Variants in TTC23L observed in about 807,000 individuals in gnomAD.
TTC23L encodes the protein tetratricopeptide repeat domain 23 like.
In TTC23L, 42 loss-of-function variants were observed where a neutral mutation model predicts 48.1. That is an observed-to-expected ratio of 0.87 (90% CI 0.68 to 1.13). The LOEUF (loss-of-function observed/expected upper bound fraction) is 1.13, where lower values mean the gene tolerates loss of function less well. Ranked by LOEUF, TTC23L falls within the 50% of genes most tolerant of loss-of-function variation. The probability of loss-of-function intolerance (pLI) is 0.00; values close to 1 mark genes in which losing one functional copy is unlikely to be tolerated. For missense variants in TTC23L, 391 were observed against 421.0 expected (o/e 0.93, Z 0.62); for synonymous variants, 159 against 157.2 (o/e 1.01, Z -0.09).
At chr5:34,852,553 T>C (rs113369998) in intron 4 of TTC23L, among the ~76,000 whole-genome samples, 4 of 152,228 alleles carry the variant, frequency 2.6e-5, no homozygotes, top group African/African-American at 9.6e-5. Flanking sequence ...CCTGCCCAGA[T>C]GAGAGTCGAT....
chr5:34,849,755 A>T (rs1159128697), intron 3 of TTC23L, among the ~76,000 whole-genome samples: 2 of 152,160 alleles, frequency 1.3e-5, no homozygotes. Context: ...AGGGGTCTAG[A>T]TATGAAACAA....
chr5:34,847,477 G>A (rs984972416), intron 3 of TTC23L, among the ~76,000 whole-genome samples: 3 of 85,308 alleles, frequency 3.5e-5, no homozygotes, highest in Admixed American at 1.4e-4. Context: ...GCTCAATAAC[G>A]CTGTTTTTTT....
At chr5:34,842,387 T>C (rs1758760595) in intron 2 of TTC23L, among the ~76,000 whole-genome samples, 1 of 151,960 alleles carries the variant, frequency 6.6e-6, no homozygotes, top group Non-Finnish European at 1.5e-5. Context: ...AGCACCAGAT[T>C]CTGTTGCTGT....
At chr5:34,915,851 A>C in the TTC23L span, 38 of 1,565,652 alleles carry the variant, frequency 2.4e-5, no homozygotes, top group Non-Finnish European at 3.3e-5. Context: ...ACAGCAGAGG[A>C]GGTGGAGGAA....
the TTC23L span, chr5:34,914,483 G>C: frequency 1.7e-6 from 1 of 575,908 alleles, no homozygotes; most frequent in Non-Finnish European, 3.0e-6. Flanking sequence ...AACAAGATGG[G>C]AAAAGAATTT....
In TTC23L at chr5:34,867,003, C is replaced by G. The variant is rs370183850; in HGVS notation, c.774C>G (p.Tyr258Ter). 3.1e-6 allele frequency: 5 copies of G among 1,611,824 alleles called. No individual in the cohort carries two copies. Among genetic ancestry groups the G allele is most frequent in the African/African-American group, 2.7e-5 (2 of 74,916 alleles). The change falls in exon 7 of 11, where the codon TAC becomes TAG. Residue 258 changes from tyrosine to a stop codon, truncating the protein, a stop_gained. Transcript: ENST00000505624. LOFTEE classifies it high-confidence loss of function. ...GGACGTCAGATCTGATCAGCCTGTA[C>G]GAGGAAGCTGCTCAGATAGAGCAGC... is the stretch of plus-strand genomic sequence containing the variant.
intron 8 of TTC23L, among the ~76,000 whole-genome samples, chr5:34,879,726 G>A (rs1188053471): frequency 1.3e-5 from 2 of 151,912 alleles, no homozygotes; most frequent in East Asian, 1.9e-4. Context: ...GGCTCGGTGC[G>A]GTGGCTCATG....
rs869123650 is a variant in TTC23L at position 34,846,667 on chromosome 5, A to ATGTGTGTGTG, written c.255+1026_255+1035dup. ...TATATACAAATACATATATGTGTGT[A>ATGTGTGTGTG]TGTGTGTGTGTGTGTGTGTGTGTGT... On this transcript the variant is annotated intron_variant, in intron 3 of 10. Coordinates refer to ENST00000505624, the Ensembl canonical transcript of TTC23L. 1.7e-4 allele frequency among the ~76,000 whole-genome samples: 11 copies of ATGTGTGTGTG among 66,342 alleles called. No homozygotes were observed. The East Asian group carries it at 3.9e-3, about 24-fold the overall frequency. 43.5% of individuals were successfully genotyped at this position (66,342 alleles called of 152,430 possible).
chr5:34,917,729 G>A, the TTC23L span, among the ~76,000 whole-genome samples: 1 of 152,148 alleles, frequency 6.6e-6, no homozygotes, highest in Non-Finnish European at 1.5e-5. Context: ...TAGCCATTTA[G>A]GAGTTTTGCA....
At chr5:34,847,221 C>CA (rs1189429397) in intron 3 of TTC23L, among the ~76,000 whole-genome samples, 1 of 152,154 alleles carries the variant, frequency 6.6e-6, no homozygotes, top group Non-Finnish European at 1.5e-5. Flanking sequence ...AAGGACCTTG[C>CA]AAAGGACAGT....
downstream of TTC23L, among the ~76,000 whole-genome samples, chr5:34,900,467 C>T (rs1258712579): frequency 6.6e-6 from 1 of 150,778 alleles, no homozygotes; most frequent in Non-Finnish European, 1.5e-5. Flanking sequence ...TGCCACTGCA[C>T]TCCAGCCTGG....
At chr5:34,843,287 A>G (rs973094470) in intron 2 of TTC23L, among the ~76,000 whole-genome samples, 5 of 152,260 alleles carry the variant, frequency 3.3e-5, no homozygotes, top group African/African-American at 7.2e-5. Flanking sequence ...GGAATCAATT[A>G]TAAACCTGGC....
At chr5:34,891,449 G>C (rs1193497959) in intron 9 of TTC23L, among the ~76,000 whole-genome samples, 1 of 152,162 alleles carries the variant, frequency 6.6e-6, no homozygotes, top group Non-Finnish European at 1.5e-5. Context: ...GGCAGAGTAT[G>C]CGCTCAATAA....
chr5:34,849,029 T>C (rs1759453182), intron 3 of TTC23L, among the ~76,000 whole-genome samples: 1 of 152,184 alleles, frequency 6.6e-6, no homozygotes, highest in Non-Finnish European at 1.5e-5. Context: ...TAGTGAACAA[T>C]TCATTTTTCT....
chr5:34,901,380 T>C (rs467801), downstream of TTC23L, among the ~76,000 whole-genome samples: 631 of 152,338 alleles, frequency 4.1e-3, 18 homozygotes, highest in East Asian at 0.075. Flanking sequence ...GAGGAATAGT[T>C]TGAACCTTCT....
chr5:34,918,200 A>G, the TTC23L span: 1 of 467,742 alleles, frequency 2.1e-6, no homozygotes, highest in South Asian at 4.3e-5. Context: ...GTCTCCAGCT[A>G]CTGTAGATGC....
chr5:34,882,303 G>A (rs1044333846), intron 9 of TTC23L, among the ~76,000 whole-genome samples: 2 of 152,094 alleles, frequency 1.3e-5, no homozygotes, highest in African/African-American at 4.8e-5. Context: ...AAGGACCTGA[G>A]TGCCAGGTGG....
At chr5:34,858,940 T>G (rs555804687) in intron 4 of TTC23L, among the ~76,000 whole-genome samples, 122 of 152,320 alleles carry the variant, frequency 8.0e-4, no homozygotes, top group African/African-American at 2.9e-3. Context: ...AGCAAGGAAC[T>G]CTATGATTGA....
At chr5:34,865,774 A>T (rs1761005366) in intron 6 of TTC23L, among the ~76,000 whole-genome samples, 1 of 152,174 alleles carries the variant, frequency 6.6e-6, no homozygotes, top group Non-Finnish European at 1.5e-5. Context: ...ATCAGAACTC[A>T]CTGAAACCTT....
Sources: gnomAD v4.1 joint callset for allele counts (sites outside exome capture counted in the v4.1 genomes callset) on GRCh38, gnomAD v4.1.1 for gene constraint, MANE v1.5 for transcripts, NCBI Gene and HGNC (gene_info 2026-07-23, HGNC 2026-07-21) for gene names.